SF3A3: variants seen among roughly 807,000 people sequenced by gnomAD.
The protein encoded by SF3A3 is SAP 61.
SF3A3 carries 9 observed loss-of-function variants against 85.8 expected under a neutral mutation model. The observed-to-expected ratio is 0.10, with a 90% CI of 0.06 to 0.18. The LOEUF is 0.18. SF3A3 is among the 10% of genes least tolerant of loss of function. The pLI, the probability that SF3A3 is intolerant of heterozygous loss-of-function variation, is 1.00. For synonymous variants in SF3A3, 195 were observed against 204.4 expected, an observed-to-expected ratio of 0.95 and a Z score of 0.39; for missense variants, 306 against 593.3, an observed-to-expected ratio of 0.52 and a Z score of 5.03.
At chr1:37,980,185 G>A (rs2148722359) in intron 8 of SF3A3, among the ~76,000 whole-genome samples, 2 of 152,266 alleles carry the variant, frequency 1.3e-5, no homozygotes, top group East Asian at 3.9e-4. Flanking sequence ...AGCACTTTGG[G>A]AGGCCGAGGT....
At chr1:37,965,699 A>G (rs1186934878) in intron 15 of SF3A3, among the ~76,000 whole-genome samples, 2 of 151,522 alleles carry the variant, frequency 1.3e-5, no homozygotes, top group East Asian at 2.0e-4. Flanking sequence ...GATTGCAGTG[A>G]GCTGTGATGG....
Position 37,984,894 on chromosome 1 carries a change from AC to A in SF3A3, c.304-116del, listed in dbSNP as rs1646444592. 9.0e-6 allele frequency: 7 copies of A among 779,468 alleles called. No individual in the cohort carries two copies. The South Asian group carries it at 1.1e-4, about 12-fold the overall frequency. The allele number at this position is 779,468 out of a possible 1,614,324, so 48.3% of individuals were successfully genotyped here. A position where few individuals can be genotyped will look rare whatever the true frequency, so the allele number is the denominator to read the frequency against. ...ACAATCTTGGCTCACTGCAACCTCT[AC>A]CTCCCGGGTTCAAGCGATTGTCCTG... On this transcript the variant is annotated intron_variant, in intron 4 of 16. Transcript: ENST00000373019.
In SF3A3 at chr1:37,984,248, A is replaced by G; in HGVS notation, c.389T>C (p.Phe130Ser). The change falls in exon 6 of 17, where the codon TTC becomes TCC. Residue 130 changes from phenylalanine to serine, a missense_variant. Coordinates refer to ENST00000373019, the MANE Select transcript of SF3A3 (RefSeq NM_006802.4). ...PSEEAQNLVE[F>S]TDEEGYGRYL... ...ACGACCATATCCCTCTTCATCTGTG[A>G]ACTCCACCAAGTCTGAGGGAATCAG... The G allele has an allele frequency of 6.3e-7, 1 of 1,592,256 alleles. No homozygotes were observed.
chr1:37,960,088 C>T, intron 16 of SF3A3, 32 bp downstream of exon 16: 1 of 1,594,788 alleles, frequency 6.3e-7, no homozygotes, highest in African/African-American at 1.3e-5. Flanking sequence ...TCACTTGACA[C>T]TATCCCTAAC....
At position 37,958,149 on chromosome 1, in the gene SF3A3, C is replaced by T. The variant is rs1255471862; in HGVS notation, c.*37G>A. On this transcript the variant is annotated 3_prime_UTR_variant, in exon 17 of 17. Transcript: ENST00000373019. Reference sequence around the variant, plus strand: ...TAGAAAAAGCAGATCTTAGGGAAGCCTGGGCTAGCCCAAAAGCTGAGCTAC... The same window carrying T: ...TAGAAAAAGCAGATCTTAGGGAAGCTTGGGCTAGCCCAAAAGCTGAGCTAC... 6 of 1,395,740 alleles carry T rather than the reference C, an allele frequency of 4.3e-6. No homozygotes were observed. The Admixed American group carries it at 8.4e-5, about 19-fold the overall frequency. The allele number at this position is 1,395,740 out of a possible 1,614,324, so 86.5% of individuals were successfully genotyped here.
intron 15 of SF3A3, among the ~76,000 whole-genome samples, chr1:37,965,366 A>G (rs1646292131): frequency 6.6e-6 from 1 of 151,624 alleles, no homozygotes; most frequent in Admixed American, 6.6e-5. Flanking sequence ...TTTCTTTGTC[A>G]TAAGAAGTCA....
At chr1:37,989,730 G>T in intron 1 of SF3A3, 135 bp from the exon 2 acceptor site, 1 of 1,247,368 alleles carries the variant, frequency 8.0e-7, no homozygotes, top group Non-Finnish European at 1.1e-6. Context: ...GACCCCGGGA[G>T]GAGGTTACCA....
chr1:37,967,318 C>T (rs1646308655), intron 15 of SF3A3, among the ~76,000 whole-genome samples: 1 of 149,620 alleles, frequency 6.7e-6, no homozygotes, highest in African/African-American at 2.5e-5. Flanking sequence ...CTGAAGTGGG[C>T]GGATCACCTG....
At chr1:37,960,411 AC>A in intron 15 of SF3A3, 1 of 481,270 alleles carries the variant, frequency 2.1e-6, no homozygotes, top group Non-Finnish European at 3.7e-6. Flanking sequence ...ATAACCAAAG[AC>A]CTCCGAAAAC....
chr1:37,962,861 G>A (rs886421530), intron 15 of SF3A3, among the ~76,000 whole-genome samples: 1 of 151,782 alleles, frequency 6.6e-6, no homozygotes, highest in Non-Finnish European at 1.5e-5. Context: ...TGAGGTGGGT[G>A]GATTGCCTGA....
At chr1:37,966,812 G>A (rs1646303287) in intron 15 of SF3A3, among the ~76,000 whole-genome samples, 1 of 150,678 alleles carries the variant, frequency 6.6e-6, no homozygotes, top group Admixed American at 6.6e-5. Flanking sequence ...GCGCATACTT[G>A]TAATCCCAGC....
At chr1:37,981,176 T>G (rs965876767) in intron 7 of SF3A3, among the ~76,000 whole-genome samples, 2 of 152,112 alleles carry the variant, frequency 1.3e-5, no homozygotes, top group African/African-American at 4.8e-5. Context: ...GAACTTACAA[T>G]GGACTTTTTT....
chr1:37,968,879 T>C (rs1646319948), intron 14 of SF3A3, among the ~76,000 whole-genome samples: 1 of 152,182 alleles, frequency 6.6e-6, no homozygotes, highest in South Asian at 2.1e-4. Context: ...GTGAGCCCAC[T>C]TACAGCAGTA....
chr1:37,989,691 G>T, intron 1 of SF3A3, 96 bp from the exon 2 acceptor site: 2 of 1,472,988 alleles, frequency 1.4e-6, no homozygotes, highest in Non-Finnish European at 1.9e-6. Context: ...GCTTTTACCA[G>T]CTGAGGCAGA....
At chr1:37,969,281 G>T in intron 14 of SF3A3, 73 bp downstream of exon 14, 1 of 1,109,904 alleles carries the variant, frequency 9.0e-7, no homozygotes, top group Non-Finnish European at 1.4e-6. Context: ...CACATAGGCT[G>T]CTCCTACTCT....
chr1:37,980,477 G>T, intron 8 of SF3A3, 109 bp downstream of exon 8: 2 of 1,159,656 alleles, frequency 1.7e-6, no homozygotes, highest in South Asian at 1.6e-5. Flanking sequence ...TGTCACAAGT[G>T]ATACCAAGGA....
chr1:37,985,302 CA>C (rs1646448254), intron 4 of SF3A3, among the ~76,000 whole-genome samples: 2 of 152,176 alleles, frequency 1.3e-5, no homozygotes, highest in Admixed American at 1.3e-4. Flanking sequence ...CACAAAAACT[CA>C]AAAGTCCACC....
At chr1:37,978,657 A>T in intron 11 of SF3A3, 63 bp downstream of exon 11, 2 of 1,093,658 alleles carry the variant, frequency 1.8e-6, no homozygotes, top group Non-Finnish European at 2.7e-6. Flanking sequence ...CACTGTGGTT[A>T]AAAATTCTGC....
chr1:37,972,981 G>A (rs912691230), intron 12 of SF3A3, among the ~76,000 whole-genome samples: 2 of 152,154 alleles, frequency 1.3e-5, no homozygotes, highest in Admixed American at 1.3e-4. Flanking sequence ...GGGAGTTCGA[G>A]ATCAGCCTGG....
Sources: gnomAD v4.1 joint callset for allele counts (sites outside exome capture counted in the v4.1 genomes callset) on GRCh38, gnomAD v4.1.1 for gene constraint, MANE v1.5 for transcripts, NCBI Gene and HGNC (gene_info 2026-07-23, HGNC 2026-07-21) for gene names.